RMST: variants seen among roughly 807,000 people sequenced by gnomAD.
RMST encodes the protein long intergenic non-protein coding RNA 54.
chr12:97,545,730 A>G (rs1166078516), intron 11 of RMST, among the ~76,000 whole-genome samples: 1 of 152,082 alleles, frequency 6.6e-6, no homozygotes, highest in Non-Finnish European at 1.5e-5. Flanking sequence ...GGGCAGAAAT[A>G]TGGCAGGTTA....
At chr12:97,509,587 T>C (rs1407459977) in intron 10 of RMST, among the ~76,000 whole-genome samples, 1 of 152,084 alleles carries the variant, frequency 6.6e-6, no homozygotes, top group Non-Finnish European at 1.5e-5. Flanking sequence ...ATTCTCTCCT[T>C]CTCTCTCTTT....
At chr12:97,514,141 A>G (rs1240396208) in intron 10 of RMST, among the ~76,000 whole-genome samples, 3 of 152,354 alleles carry the variant, frequency 2.0e-5, no homozygotes, top group African/African-American at 7.2e-5. Context: ...AGTCTTGGTA[A>G]GAGACTGGCA....
At chr12:97,508,514 T>C (rs1252710880) in intron 10 of RMST, among the ~76,000 whole-genome samples, 1 of 152,124 alleles carries the variant, frequency 6.6e-6, no homozygotes, top group Non-Finnish European at 1.5e-5. Context: ...AGGAGAATTG[T>C]AGAGATTTGT....
chr12:97,484,406 A>G (rs1875826592), intron 5 of RMST, among the ~76,000 whole-genome samples: 1 of 152,180 alleles, frequency 6.6e-6, no homozygotes, highest in Non-Finnish European at 1.5e-5. Context: ...CTTTTAGAAT[A>G]TTCTACCATC....
chr12:97,555,009 G>T (rs1287197169), intron 11 of RMST, among the ~76,000 whole-genome samples: 1 of 152,110 alleles, frequency 6.6e-6, no homozygotes, highest in Admixed American at 6.5e-5. Context: ...GCTTGTATTT[G>T]TCTCTACAGC....
chr12:97,485,351 T>G (rs955783799), intron 5 of RMST, among the ~76,000 whole-genome samples: 33 of 152,192 alleles, frequency 2.2e-4, no homozygotes, highest in African/African-American at 8.0e-4. Context: ...AGTTTTTGAG[T>G]ATTTTACTGC....
intron 10 of RMST, among the ~76,000 whole-genome samples, chr12:97,509,484 TCTTTCCTCTGAGGTTGA>T (rs1486734867): frequency 6.6e-6 from 1 of 152,166 alleles, no homozygotes; most frequent in Non-Finnish European, 1.5e-5. Flanking sequence ...AAAAAGAACC[TCTTTCCTCTGAGGTTGA>T]GACAAACAGC....
At chr12:97,559,571 T>C (rs1426728055) in intron 11 of RMST, among the ~76,000 whole-genome samples, 1 of 152,100 alleles carries the variant, frequency 6.6e-6, no homozygotes, top group South Asian at 2.1e-4. Context: ...AATATTATAG[T>C]CAGGAATATC....
chr12:97,481,754 A>G (rs1352826637), intron 5 of RMST, among the ~76,000 whole-genome samples: 1 of 152,236 alleles, frequency 6.6e-6, no homozygotes, highest in Non-Finnish European at 1.5e-5. Context: ...GCATTTTAAA[A>G]AAATGTTTTG....
intron 11 of RMST, among the ~76,000 whole-genome samples, chr12:97,531,475 C>T (rs1165155929): frequency 6.6e-6 from 1 of 152,030 alleles, no homozygotes; most frequent in African/African-American, 2.4e-5. Flanking sequence ...CTGTGATTTG[C>T]TTTGCTTGAT....
At chr12:97,503,741 T>G (rs1283832042) in intron 10 of RMST, among the ~76,000 whole-genome samples, 2 of 152,176 alleles carry the variant, frequency 1.3e-5, no homozygotes, top group Non-Finnish European at 2.9e-5. Context: ...CCCTGCATGC[T>G]TCAGGAAAGT....
intron 11 of RMST, chr12:97,541,320 T>C (rs189669478): frequency 1.3e-5 from 2 of 151,882 alleles, no homozygotes; most frequent in Admixed American, 1.3e-4. Context: ...TAGGAGAATA[T>C]ACTTGGAATC....
chr12:97,506,596 C>T (rs1878686818), intron 10 of RMST, among the ~76,000 whole-genome samples: 1 of 150,006 alleles, frequency 6.7e-6, no homozygotes, highest in East Asian at 2.0e-4. Flanking sequence ...TATGTGGTAA[C>T]TGGGAAATGT....
chr12:97,542,601 G>C (rs1429476586), intron 11 of RMST, among the ~76,000 whole-genome samples: 1 of 151,806 alleles, frequency 6.6e-6, no homozygotes, highest in Admixed American at 6.6e-5. Flanking sequence ...TAGGACCAGA[G>C]CCCAAACCCC....
intron 4 of RMST, among the ~76,000 whole-genome samples, chr12:97,463,769 T>A (rs1311925034): frequency 1.3e-5 from 2 of 152,204 alleles, no homozygotes; most frequent in Non-Finnish European, 2.9e-5. Context: ...TATGATGGTA[T>A]GTTTTCAACA....
chr12:97,515,450 C>T (rs542881755), intron 10 of RMST, among the ~76,000 whole-genome samples: 9 of 152,202 alleles, frequency 5.9e-5, no homozygotes, highest in Middle Eastern at 3.4e-3. Flanking sequence ...GGCTAAAGTA[C>T]AGAATTACTT....
exon 13 of RMST, chr12:97,560,993 G>T (rs79874528): frequency 0.015 from 2,339 of 152,482 alleles, 52 homozygotes; most frequent in East Asian, 0.11. Context: ...TAGAGCTCGT[G>T]CTGTGAATAA....
At chr12:97,550,392 CAAAT>C (rs1224626350) in intron 11 of RMST, among the ~76,000 whole-genome samples, 7 of 151,792 alleles carry the variant, frequency 4.6e-5, no homozygotes, top group Admixed American at 2.0e-4. Context: ...AACTCTGTCT[CAAAT>C]AAATAAATAA....
chr12:97,488,018 A>G (rs1876311866), intron 5 of RMST, among the ~76,000 whole-genome samples: 2 of 152,212 alleles, frequency 1.3e-5, no homozygotes, highest in African/African-American at 2.4e-5. Context: ...GACTTTCGGC[A>G]GAAGGCTGTC....
Sources: gnomAD v4.1 joint callset for allele counts (sites outside exome capture counted in the v4.1 genomes callset) on GRCh38, gnomAD v4.1.1 for gene constraint, MANE v1.5 for transcripts, NCBI Gene and HGNC (gene_info 2026-07-23, HGNC 2026-07-21) for gene names.